TNS1: variants seen among roughly 807,000 people sequenced by gnomAD.
The protein encoded by TNS1 is tensin 1.
In TNS1, 62 loss-of-function variants were observed where a neutral mutation model predicts 168.6. The observed-to-expected ratio is 0.37, with a 90% confidence interval of 0.30 to 0.45. The LOEUF (loss-of-function observed/expected upper bound fraction) is 0.45. Ranked by LOEUF, TNS1 falls within the 20% of genes least tolerant of loss-of-function variation. The pLI is 1.00. For missense variants in TNS1, 2,240 were observed against 2,339.4 expected (o/e 0.96, Z 0.88); for synonymous variants, 934 against 933.2 (o/e 1.00, Z -0.02).
intron 18 of TNS1, among the ~76,000 whole-genome samples, chr2:217,874,726 G>A (rs1052869895): frequency 6.6e-6 from 1 of 152,130 alleles, no homozygotes; most frequent in Non-Finnish European, 1.5e-5. Flanking sequence ...ACAAATCACT[G>A]CCAGCATGGC....
chr2:217,867,856 C>G (rs1331456876), intron 18 of TNS1, among the ~76,000 whole-genome samples: 1 of 152,240 alleles, frequency 6.6e-6, no homozygotes, highest in Non-Finnish European at 1.5e-5. Context: ...TGACCAACTC[C>G]CCTTTTTAAA....
At chr2:217,814,777 C>T (rs1240886560) in intron 25 of TNS1, 135 bp downstream of exon 25, 2 of 678,186 alleles carry the variant, frequency 2.9e-6, no homozygotes, top group Non-Finnish European at 5.1e-6. Flanking sequence ...TACTGTCCAG[C>T]TTCAACCCCA....
intron 3 of TNS1, among the ~76,000 whole-genome samples, chr2:217,928,698 A>G (rs1008396919): frequency 1.3e-5 from 2 of 151,988 alleles, no homozygotes; most frequent in African/African-American, 4.8e-5. Context: ...CCCCTCCCCA[A>G]ATCCTCCTGA....
intron 22 of TNS1, chr2:217,830,008 A>T: frequency 6.7e-7 from 1 of 1,492,844 alleles, no homozygotes; most frequent in Non-Finnish European, 8.9e-7. Context: ...TTCTTGAGAA[A>T]GAGAATCTGT....
In TNS1 at chr2:217,813,960, G is replaced by C. The variant is rs1008933838; in HGVS notation, c.4730-144C>G. 5.7e-5 allele frequency: 57 copies of C among 999,872 alleles called. No individual in the cohort carries two copies. Among genetic ancestry groups the C allele is most frequent in the Middle Eastern group, 3.4e-4 (1 of 2,908 alleles). 61.9% of individuals were successfully genotyped at this position (999,872 alleles called of 1,614,324 possible). The stretch of plus-strand genomic sequence containing the variant: ...AAAGTTAAAATTTAACTACTCCTAC[G>C]GGTCTTCCTGTACTCAGGTTGGCAA... On this transcript the variant is annotated intron_variant, in intron 25 of 32. Transcript: ENST00000682258. The surrounding 1 kb of genome is among the most constrained non-coding windows in gnomAD (Gnocchi z 4.0).
chr2:217,826,434 G>A (rs1393918329), intron 22 of TNS1, among the ~76,000 whole-genome samples: 2 of 151,934 alleles, frequency 1.3e-5, no homozygotes, highest in African/African-American at 2.4e-5. Context: ...CCCACCACCC[G>A]TGCACTTACT....
intron 3 of TNS1, among the ~76,000 whole-genome samples, chr2:217,964,432 G>C (rs1028895403): frequency 1.3e-5 from 2 of 152,170 alleles, no homozygotes; most frequent in African/African-American, 4.8e-5. Flanking sequence ...CTCTCCCTAA[G>C]CCTGGGCTCA....
In TNS1 at chr2:217,818,040, G is replaced by C; in HGVS notation, c.4292C>G (p.Ser1431Cys). 1 of 1,604,586 alleles carries C rather than the reference G, an allele frequency of 6.2e-7. No homozygotes were observed. Among genetic ancestry groups the C allele is most frequent in the Non-Finnish European group, 8.5e-7 (1 of 1,175,682 alleles). The change falls in exon 24 of 33, where the codon TCT becomes TGT. Residue 1431 changes from serine to cysteine, a missense_variant. Physicochemically the swap from Ser to Cys is moderately radical, Grantham distance 112 (BLOSUM62 -1). Coordinates refer to ENST00000682258, the MANE Select transcript of TNS1 (RefSeq NM_001387777.1). ...TGTGGGTCTCCGATCCTCCGGGGTA[G>C]AATAGCCACCATAGGCCACATGCCG... Reference protein sequence around the residue: ...LDRHVAYGGYSTPEDRRPTLS... With the variant: ...LDRHVAYGGYCTPEDRRPTLS...
Position 217,902,493 on chromosome 2 carries a change from G to C in TNS1, c.322-1981C>G, listed in dbSNP as rs548574360. Among the ~76,000 whole-genome samples the C allele has an allele frequency of 3.3e-5, 5 of 152,278 alleles. 1 individual carries two copies. In the South Asian group the frequency reaches 8.3e-4, roughly 25 times the overall value. On this transcript the variant is annotated intron_variant, in intron 6 of 32. Coordinates refer to ENST00000682258, the MANE Select transcript of TNS1 (RefSeq NM_001387777.1). ...TGGCAGGGGGAACTGGGGAACCAAG[G>C]GGGGCCGGGAGCCTGCAAAGGTGCA...
At chr2:217,896,267 T>A (rs979591160) in intron 8 of TNS1, among the ~76,000 whole-genome samples, 28 of 152,224 alleles carry the variant, frequency 1.8e-4, no homozygotes, top group Non-Finnish European at 3.4e-4. Context: ...TGGGTCTCTA[T>A]AGTGGTTGAA....
rs1950603756 is a variant in TNS1 at position 217,880,779 on chromosome 2, C to T, written c.1429+119G>A. 1.3e-6 allele frequency: 1 copy of T among 751,746 alleles called. No homozygotes were observed. The highest frequency in any genetic ancestry group is 2.3e-6 in the Non-Finnish European group (1 of 431,902). 46.6% of individuals were successfully genotyped at this position (751,746 alleles called of 1,614,324 possible). ...GGTGAGCTCTCGGAGGTACCTCACA[C>T]TTCCCCTCTGCCTCCTCTCGAACCC... On this transcript the variant is annotated intron_variant, in intron 18 of 32. Coordinates refer to ENST00000682258, the MANE Select transcript of TNS1 (RefSeq NM_001387777.1). The surrounding 1 kb of genome is among the most constrained non-coding windows in gnomAD (Gnocchi z 4.2).
At chr2:217,819,765 A>G (rs1471968685) in intron 23 of TNS1, among the ~76,000 whole-genome samples, 1 of 152,146 alleles carries the variant, frequency 6.6e-6, no homozygotes, top group Non-Finnish European at 1.5e-5. Flanking sequence ...TGAGAGAAAC[A>G]AAGGTTGACA....
intron 18 of TNS1, among the ~76,000 whole-genome samples, chr2:217,855,647 G>T (rs769075224): frequency 6.6e-6 from 1 of 152,112 alleles, no homozygotes; most frequent in African/African-American, 2.4e-5. Context: ...GATGCCTCTT[G>T]AAGTTCAATA....
chr2:217,993,575 C>T (rs1219817441), intron 1 of TNS1, among the ~76,000 whole-genome samples: 1 of 152,162 alleles, frequency 6.6e-6, no homozygotes, highest in Middle Eastern at 3.2e-3. Flanking sequence ...TTGGAATCTC[C>T]GAAAGTGACA....
rs747224467 is a variant in TNS1, at chr2:217,886,114, T to C, written c.980-10A>G. On this transcript the variant is annotated splice_polypyrimidine_tract_variant and intron_variant, in intron 13 of 32. Transcript: ENST00000682258. Reference sequence around the variant, plus strand: ...AGAAATGGCCGACATCCTGTAAAAGTGGGGTGGGTGTTAGCTAAGACAGCA... The same window carrying C: ...AGAAATGGCCGACATCCTGTAAAAGCGGGGTGGGTGTTAGCTAAGACAGCA... 8.1e-6 allele frequency: 13 copies of C among 1,609,824 alleles called. No individual in the cohort carries two copies. Among genetic ancestry groups the C allele is most frequent in the Non-Finnish European group, 1.1e-5 (13 of 1,179,284 alleles).
At chr2:217,924,552 G>A (rs1380725683) in intron 3 of TNS1, among the ~76,000 whole-genome samples, 1 of 152,238 alleles carries the variant, frequency 6.6e-6, no homozygotes. Context: ...AAGAATGAAA[G>A]TGATTCAAGG....
At chr2:217,971,502 G>A (rs1340255448) in intron 3 of TNS1, among the ~76,000 whole-genome samples, 1 of 152,248 alleles carries the variant, frequency 6.6e-6, no homozygotes, top group East Asian at 1.9e-4. Context: ...TTCCAGTTTG[G>A]GGCTATTGGA....
chr2:218,027,902 C>T (rs377311400), intron 1 of TNS1, among the ~76,000 whole-genome samples: 224 of 152,260 alleles, frequency 1.5e-3, no homozygotes, highest in African/African-American at 5.2e-3. Context: ...GGCCAGAGGA[C>T]TCTAAGGAAT....
intron 2 of TNS1, among the ~76,000 whole-genome samples, chr2:217,988,758 C>T (rs562748417): frequency 6.6e-6 from 1 of 152,156 alleles, no homozygotes; most frequent in African/African-American, 2.4e-5. Context: ...TTTCCCTCCC[C>T]CTGAGAGCCC....
Sources: allele counts gnomAD v4.1 joint callset (sites outside exome capture counted in the v4.1 genomes callset), GRCh38; gene constraint gnomAD v4.1.1; non-coding constraint Gnocchi (gnomAD v3.1); transcripts MANE v1.5; gene names NCBI Gene and HGNC (gene_info 2026-07-23, HGNC 2026-07-21).